The following IPCEF1 variants were observed in gnomAD, a reference collection of about 807,000 sequenced individuals.
IPCEF1 encodes the protein interactor protein for cytohesin exchange factors 1.
IPCEF1 carries 31 observed loss-of-function variants against 50.9 expected under a neutral mutation model. That is an observed-to-expected ratio of 0.61 (90% CI 0.46 to 0.82). The LOEUF (loss-of-function observed/expected upper bound fraction) is 0.82. Ranked by LOEUF, IPCEF1 falls within the 40% of genes least tolerant of loss-of-function variation. The pLI is 0.00. For missense variants in IPCEF1, 458 were observed against 514.0 expected, an observed-to-expected ratio of 0.89 and a Z score of 1.05; for synonymous variants, 181 against 192.0, an observed-to-expected ratio of 0.94 and a Z score of 0.47.
chr6:154,339,988 G>A (rs1783875006), intron 1 of IPCEF1, among the ~76,000 whole-genome samples: 1 of 152,218 alleles, frequency 6.6e-6, no homozygotes, highest in South Asian at 2.1e-4. Context: ...AACTGAGTGG[G>A]GATCCAGAGT....
At chr6:154,250,005 T>G (rs1329085480) in intron 3 of IPCEF1, among the ~76,000 whole-genome samples, 1 of 152,100 alleles carries the variant, frequency 6.6e-6, no homozygotes, top group African/African-American at 2.4e-5. Context: ...AGCAAATTAT[T>G]AACTGTTAAA....
intron 1 of IPCEF1, among the ~76,000 whole-genome samples, chr6:154,290,597 A>G (rs1262779220): frequency 6.6e-6 from 1 of 152,212 alleles, no homozygotes; most frequent in Non-Finnish European, 1.5e-5. Flanking sequence ...GTTGGTGCAG[A>G]CCTGCACAGA....
At chr6:154,260,442 A>C (rs968253749) in intron 3 of IPCEF1, among the ~76,000 whole-genome samples, 3 of 151,682 alleles carry the variant, frequency 2.0e-5, no homozygotes, top group Admixed American at 1.3e-4. Flanking sequence ...CTTTAGTTGA[A>C]CAGCGTTACT....
intron 1 of IPCEF1, among the ~76,000 whole-genome samples, chr6:154,332,094 C>T (rs1217570590): frequency 1.3e-5 from 2 of 152,132 alleles, no homozygotes; most frequent in Admixed American, 6.6e-5. Flanking sequence ...AGGCAAGAAT[C>T]GGTTGCTACA....
At chr6:154,186,884 G>T (rs1425574728) in intron 10 of IPCEF1, among the ~76,000 whole-genome samples, 1 of 152,194 alleles carries the variant, frequency 6.6e-6, no homozygotes, top group East Asian at 1.9e-4. Context: ...ATTTCAGTGA[G>T]ATGGCACCGC....
chr6:154,266,097 A>G, intron 2 of IPCEF1, 133 bp from the exon 3 acceptor site: 1 of 605,158 alleles, frequency 1.7e-6, no homozygotes, highest in Non-Finnish European at 2.9e-6. Flanking sequence ...TTCATTAAAT[A>G]GCCTTTCGGC....
chr6:154,289,539 TAGTC>T (rs1782458769), intron 2 of IPCEF1, among the ~76,000 whole-genome samples, 170 bp downstream of exon 2: 1 of 151,868 alleles, frequency 6.6e-6, no homozygotes, highest in South Asian at 2.1e-4. Context: ...GGACCAAAGA[TAGTC>T]AGTAATGCTA....
At chr6:154,255,145 T>A (rs1464083657) in intron 3 of IPCEF1, among the ~76,000 whole-genome samples, 1 of 152,204 alleles carries the variant, frequency 6.6e-6, no homozygotes, top group Non-Finnish European at 1.5e-5. Flanking sequence ...TTCCTATTTC[T>A]GGGATCATCT....
chr6:154,339,902 A>C (rs1562295669), intron 1 of IPCEF1, among the ~76,000 whole-genome samples: 2 of 151,814 alleles, frequency 1.3e-5, no homozygotes, highest in African/African-American at 4.8e-5. Flanking sequence ...TGGCCAAGTG[A>C]TAATTTAATT....
In IPCEF1 at chr6:154,290,893, C is replaced by CT. The variant is rs3045866; in HGVS notation, c.-61-1138dup. Among the ~76,000 whole-genome samples, 1,269 of 127,276 alleles carry CT rather than the reference C, an allele frequency of 1.0e-2. 72 individuals are homozygous for CT. The highest frequency in any genetic ancestry group is 0.032 in the African/African-American group (1,005 of 31,552). The allele number at this position is 127,276 out of a possible 152,430, so 83.5% of individuals were successfully genotyped here. ...AATTTTTCCAGTAGGAATATATTGC[C>CT]TTTTTTTTTTTTTTGAGACAGAGTC... On this transcript the variant is annotated intron_variant, in intron 1 of 11. Coordinates refer to ENST00000367220, the MANE Select transcript of IPCEF1 (RefSeq NM_001130700.2).
At chr6:154,248,457 CAG>C (rs1281513161) in intron 3 of IPCEF1, among the ~76,000 whole-genome samples, 2 of 151,930 alleles carry the variant, frequency 1.3e-5, no homozygotes, top group Non-Finnish European at 2.9e-5. Context: ...GTAGAGAACT[CAG>C]GGGAAAAAAC....
At chr6:154,286,268 G>A (rs538013420) in intron 2 of IPCEF1, among the ~76,000 whole-genome samples, 30 of 152,266 alleles carry the variant, frequency 2.0e-4, no homozygotes, top group Non-Finnish European at 3.2e-4. Context: ...CCTAGATGAC[G>A]GGTTGATAGA....
chr6:154,257,636 T>A (rs1362928658), intron 3 of IPCEF1, among the ~76,000 whole-genome samples: 1 of 152,244 alleles, frequency 6.6e-6, no homozygotes, highest in Non-Finnish European at 1.5e-5. Context: ...CTTCCCATAC[T>A]GGCCTCAATA....
chr6:154,306,854 A>C (rs1235857281), intron 1 of IPCEF1: 1 of 152,008 alleles, frequency 6.6e-6, no homozygotes, highest in African/African-American at 2.4e-5. Context: ...TTTTTTTTGT[A>C]TATCTCACTT....
At chr6:154,215,642 A>G (rs1778335522) in intron 7 of IPCEF1, among the ~76,000 whole-genome samples, 1 of 152,094 alleles carries the variant, frequency 6.6e-6, no homozygotes, top group Admixed American at 6.5e-5. Context: ...AAAAAAATAA[A>G]CAAAATAGGA....
chr6:154,246,900 T>G, intron 4 of IPCEF1, 140 bp from the exon 5 acceptor site: 1 of 852,696 alleles, frequency 1.2e-6, no homozygotes, highest in Non-Finnish European at 1.6e-6. Context: ...CCAAGATTTA[T>G]GCAAAGCCTA....
chr6:154,189,414 C>A (rs909650508), intron 10 of IPCEF1, among the ~76,000 whole-genome samples: 1 of 151,754 alleles, frequency 6.6e-6, no homozygotes, highest in Admixed American at 6.6e-5. Context: ...CATATGTGGA[C>A]CAAAATACAT....
At chr6:154,280,449 A>G (rs2128663492) in intron 2 of IPCEF1, among the ~76,000 whole-genome samples, 1 of 152,346 alleles carries the variant, frequency 6.6e-6, no homozygotes, top group Non-Finnish European at 1.5e-5. Context: ...ATGTCCATCA[A>G]TGGGAAAATG....
intron 1 of IPCEF1, among the ~76,000 whole-genome samples, chr6:154,320,384 GA>G (rs1377945255): frequency 6.6e-6 from 1 of 152,114 alleles, no homozygotes; most frequent in Non-Finnish European, 1.5e-5. Context: ...AAAGAGATTG[GA>G]GAAAATAAAA....
Sources: allele counts gnomAD v4.1 joint callset (sites outside exome capture counted in the v4.1 genomes callset), GRCh38; gene constraint gnomAD v4.1.1; transcripts MANE v1.5; gene names NCBI Gene and HGNC (gene_info 2026-07-23, HGNC 2026-07-21).